The following UGT1A9 variants were observed in gnomAD, a reference collection of about 807,000 sequenced individuals.
UGT1A9 encodes the protein UDP-glucuronosyltransferase 1A9.
A neutral mutation model predicts 45.0 loss-of-function variants in UGT1A9; 35 were observed. That is an observed-to-expected ratio of 0.78 (90% CI 0.59 to 1.03). The LOEUF (loss-of-function observed/expected upper bound fraction) is 1.03. Ranked by LOEUF, UGT1A9 falls within the 50% of genes least tolerant of loss-of-function variation. UGT1A9 has a pLI of 0.00. For missense variants in UGT1A9, 687 were observed against 666.6 expected, an observed-to-expected ratio of 1.03 and a Z score of -0.34; for synonymous variants, 278 against 250.6, an observed-to-expected ratio of 1.11 and a Z score of -1.03.
At chr2:233,696,513 C>T (rs2075347301) in intron 1 of UGT1A9, among the ~76,000 whole-genome samples, 1 of 152,168 alleles carries the variant, frequency 6.6e-6, no homozygotes, top group Non-Finnish European at 1.5e-5. Context: ...TCAGTTCTAA[C>T]AGCTTTTGGG....
chr2:233,680,433 C>G (rs1172149473), intron 1 of UGT1A9, among the ~76,000 whole-genome samples: 1 of 152,128 alleles, frequency 6.6e-6, no homozygotes. Context: ...GTAGTATGTA[C>G]TAGAGGAAAG....
chr2:233,733,516 A>G (rs1473701197), intron 1 of UGT1A9, among the ~76,000 whole-genome samples: 1 of 152,232 alleles, frequency 6.6e-6, no homozygotes, highest in East Asian at 1.9e-4. Context: ...TTTAGGCATG[A>G]AGGGATGTTT....
chr2:233,719,679 C>T (rs781186031), intron 1 of UGT1A9: 1 of 1,613,946 alleles, frequency 6.2e-7, no homozygotes, highest in Non-Finnish European at 8.5e-7. Flanking sequence ...CGGGAAGCCA[C>T]TATCTCAGGT....
At chr2:233,755,166 T>C in intron 1 of UGT1A9, 2 of 1,275,566 alleles carry the variant, frequency 1.6e-6, no homozygotes, top group Non-Finnish European at 2.1e-6. Context: ...GTCCTCGGGG[T>C]TTTTGTCGGG....
In UGT1A9 at chr2:233,682,845, A is replaced by G. The variant is rs2074603483; in HGVS notation, c.855+10056A>G. On this transcript the variant is annotated intron_variant, in intron 1 of 4. Coordinates refer to ENST00000354728, the MANE Select transcript of UGT1A9 (RefSeq NM_021027.3). The stretch of plus-strand genomic sequence containing the variant: ...AGAATAATCTGGCTTTGGAAATTAA[A>G]AGATTTCTTACAGAATCATAATTTA... 4 of 1,543,776 alleles carry G rather than the reference A, an allele frequency of 2.6e-6. No homozygotes were observed. The South Asian group carries it at 3.8e-5, about 15-fold the overall frequency.
chr2:233,748,214 G>A, intron 1 of UGT1A9: 1 of 1,480,602 alleles, frequency 6.8e-7, no homozygotes, highest in Non-Finnish European at 9.1e-7. Flanking sequence ...AGCCTTCAGT[G>A]AGATAAACTG....
rs569949528 is a variant in UGT1A9, at chr2:233,742,141, C to T, written c.856-24893C>T. ...GGTCGTGGAGACCCTAACCCAGCAG[C>T]GCTAGACGAATTAAAGACACACACA... On this transcript the variant is annotated intron_variant, in intron 1 of 4. Transcript: ENST00000354728. 6.5e-4 allele frequency among the ~76,000 whole-genome samples: 99 copies of T among 151,946 alleles called. No homozygotes were observed. The South Asian group carries it at 0.02, about 31-fold the overall frequency.
At chr2:233,692,391 G>A (rs931461847) in intron 1 of UGT1A9, 4 of 155,450 alleles carry the variant, frequency 2.6e-5, no homozygotes, top group Non-Finnish European at 4.3e-5. Context: ...CAAGAAAGAG[G>A]GTGTGTGAAC....
chr2:233,755,915 AGTGGC>A (rs1696065119), intron 1 of UGT1A9: 1 of 150,558 alleles, frequency 6.6e-6, no homozygotes, highest in Non-Finnish European at 1.5e-5. Flanking sequence ...TAGTGAGAAG[AGTGGC>A]ATCGTTTTAC....
In UGT1A9 at chr2:233,681,530, CAAAAAAA is replaced by C. The variant is rs747693860; in HGVS notation, c.855+8759_855+8765del. 2.1e-3 allele frequency among the ~76,000 whole-genome samples: 167 copies of C among 77,724 alleles called. 2 individuals carry two copies. Among genetic ancestry groups the C allele is most frequent in the East Asian group, 7.3e-4 (2 of 2,728 alleles). The allele number at this position is 77,724 out of a possible 152,430, so 51.0% of individuals were successfully genotyped here. On this transcript the variant is annotated intron_variant, in intron 1 of 4. Coordinates refer to ENST00000354728, the MANE Select transcript of UGT1A9 (RefSeq NM_021027.3). ...TGGATGACACAGTGAGACTCCATCT[CAAAAAAA>C]AAAAAAAAAAAAAAAAATTGCAAAT...
At chr2:233,747,331 C>T in intron 1 of UGT1A9, 1 of 1,603,324 alleles carries the variant, frequency 6.2e-7, no homozygotes. Flanking sequence ...TGATGGCAGC[C>T]ACTGGCTCGC....
chr2:233,725,063 T>G (rs2077358237), intron 1 of UGT1A9, among the ~76,000 whole-genome samples: 1 of 146,678 alleles, frequency 6.8e-6, no homozygotes, highest in Non-Finnish European at 1.5e-5. Flanking sequence ...GGCGCGCGCC[T>G]GCAATCGCAG....
In UGT1A9 at chr2:233,772,281, C is replaced by T. The variant is rs143033456; in HGVS notation, c.1315C>T (p.Arg439Cys). ...NDKSYKENIM[R>C]LSSLHKDRPV... is the part of the protein sequence containing the mutation. ...GTTTAGTTACAAGGAGAACATCATG[C>T]GCCTCTCCAGCCTTCACAAGGACCG... The change falls in exon 5 of 5, where the codon CGC becomes TGC. Residue 439 changes from arginine to cysteine, a missense_variant. Physicochemically the swap from Arg to Cys is radical, Grantham distance 180. Coordinates refer to ENST00000354728, the MANE Select transcript of UGT1A9 (RefSeq NM_021027.3). 1.3e-4 allele frequency: 210 copies of T among 1,614,084 alleles called. 1 individual carries two copies. Among genetic ancestry groups the T allele is most frequent in the Non-Finnish European group, 1.7e-4 (200 of 1,180,048 alleles).
intron 1 of UGT1A9, chr2:233,747,967 C>T: frequency 6.2e-7 from 1 of 1,613,484 alleles, no homozygotes; most frequent in Non-Finnish European, 8.5e-7. Flanking sequence ...CTCAGCCATG[C>T]ATCTGTGTGG....
chr2:233,721,747 T>C, intron 1 of UGT1A9: 1 of 445,298 alleles, frequency 2.2e-6, no homozygotes, highest in South Asian at 1.7e-5. Context: ...GATGAGAGAA[T>C]CTACATCTAA....
At chr2:233,677,804 C>T (rs1269296117) in intron 1 of UGT1A9, among the ~76,000 whole-genome samples, 9 of 151,934 alleles carry the variant, frequency 5.9e-5, no homozygotes, top group East Asian at 5.8e-4. Context: ...AACTGTCATT[C>T]GACCCAGCAA....
In UGT1A9 at chr2:233,756,891, T is replaced by C. The variant is rs11568316; in HGVS notation, c.856-10143T>C. ...TATTAGGTGTAATGAGGATGTGTTA[T>C]CTCACCAGAACAAACTTCTGAGTTT... On this transcript the variant is annotated intron_variant, in intron 1 of 4. Coordinates refer to ENST00000354728, the MANE Select transcript of UGT1A9 (RefSeq NM_021027.3). 4.5e-3 allele frequency among the ~76,000 whole-genome samples: 679 copies of C among 152,202 alleles called. 6 individuals carry two copies. Among genetic ancestry groups the C allele is most frequent in the African/African-American group, 0.016 (644 of 41,534 alleles).
chr2:233,696,633 T>C (rs1245843858), intron 1 of UGT1A9, among the ~76,000 whole-genome samples: 3 of 152,220 alleles, frequency 2.0e-5, no homozygotes, highest in East Asian at 3.9e-4. Flanking sequence ...TCTTGCTTAA[T>C]TGCTTTGGAT....
chr2:233,682,585 A>C (rs1276385712), intron 1 of UGT1A9: 3 of 1,613,942 alleles, frequency 1.9e-6, no homozygotes, highest in Non-Finnish European at 2.5e-6. Context: ...ACTTGGAGGA[A>C]CATTTATTTT....
Sources: gnomAD v4.1 joint callset for allele counts (sites outside exome capture counted in the v4.1 genomes callset) on GRCh38, gnomAD v4.1.1 for gene constraint, MANE v1.5 for transcripts, NCBI Gene and HGNC (gene_info 2026-07-23, HGNC 2026-07-21) for gene names.